The following EXOC6 variants were observed in gnomAD, a reference collection of about 807,000 sequenced individuals.
EXOC6 encodes exocyst complex component 6.
A neutral mutation model predicts 112.5 loss-of-function variants in EXOC6; 60 were observed. That is an observed-to-expected ratio of 0.53 (90% CI 0.43 to 0.66). The LOEUF (loss-of-function observed/expected upper bound fraction) is 0.66. Ranked by LOEUF, EXOC6 falls within the 30% of genes least tolerant of loss-of-function variation. The pLI is 0.00. For synonymous variants in EXOC6, 295 were observed against 308.0 expected, an observed-to-expected ratio of 0.96 and a Z score of 0.44; for missense variants, 855 against 957.1, an observed-to-expected ratio of 0.89 and a Z score of 1.41.
chr10:93,049,816 C>G (rs977189284), intron 20 of EXOC6, among the ~76,000 whole-genome samples: 2 of 152,088 alleles, frequency 1.3e-5, no homozygotes, highest in Admixed American at 1.3e-4. Context: ...TAGTCTCAAG[C>G]CTTGGCCTCT....
chr10:93,002,036 A>C (rs765355834), intron 19 of EXOC6, among the ~76,000 whole-genome samples: 2 of 152,224 alleles, frequency 1.3e-5, no homozygotes, highest in African/African-American at 2.4e-5. Flanking sequence ...TTCATATTCT[A>C]TAATTGATTA....
chr10:92,871,371 A>G (rs1848436344), intron 1 of EXOC6, among the ~76,000 whole-genome samples: 1 of 151,772 alleles, frequency 6.6e-6, no homozygotes, highest in Admixed American at 6.6e-5. Context: ...TACAACAAAC[A>G]AAAACCAGAT....
At chr10:92,844,191 A>G (rs577835656), upstream of EXOC6, among the ~76,000 whole-genome samples, 274 of 152,046 alleles carry the variant, frequency 1.8e-3, 2 homozygotes, top group South Asian at 0.01. Context: ...CATGCCATTT[A>G]CAACATTAAG....
At chr10:93,020,712 C>T (rs1844744616) in intron 20 of EXOC6, among the ~76,000 whole-genome samples, 1 of 152,056 alleles carries the variant, frequency 6.6e-6, no homozygotes, top group South Asian at 2.1e-4. Context: ...TTTTCACAGC[C>T]ACTAACTCAG....
intron 18 of EXOC6, 67 bp from the exon 19 acceptor site, chr10:92,997,407 T>TCG: frequency 7.0e-7 from 1 of 1,435,510 alleles, no homozygotes. Flanking sequence ...ATGATTTTTC[T>TCG]GATTCTTTAT....
chr10:93,018,899 A>G (rs926496279), intron 20 of EXOC6, among the ~76,000 whole-genome samples: 2 of 151,922 alleles, frequency 1.3e-5, no homozygotes, highest in African/African-American at 2.4e-5. Flanking sequence ...ATGCTCTTAC[A>G]TACAGGTGTC....
At position 92,889,715 on chromosome 10, in the gene EXOC6, G is replaced by T. The variant is rs535039534; in HGVS notation, c.102-3634G>T. ...GTAACTTTATAGTAAATCTTGGGTC[G>T]TGTTGTCAGTATTCCAATTCTGTTC... On this transcript the variant is annotated intron_variant, in intron 1 of 21. Coordinates refer to ENST00000260762, the MANE Select transcript of EXOC6 (RefSeq NM_019053.6). Among the ~76,000 whole-genome samples, 4 of 151,654 alleles carry T rather than the reference G, an allele frequency of 2.6e-5. No homozygotes were observed. In the East Asian group the frequency reaches 7.8e-4, roughly 29 times the overall value.
chr10:92,930,211 T>C (rs960944002), intron 9 of EXOC6, among the ~76,000 whole-genome samples: 7 of 151,988 alleles, frequency 4.6e-5, no homozygotes, highest in African/African-American at 7.2e-5. Flanking sequence ...TCAACAAATA[T>C]AAAAAGCTGG....
intron 1 of EXOC6, among the ~76,000 whole-genome samples, chr10:92,892,672 T>G (rs1293610951): frequency 6.6e-6 from 1 of 152,192 alleles, no homozygotes; most frequent in Non-Finnish European, 1.5e-5. Context: ...AGGGTAGTCC[T>G]TTACTGCATG....
chr10:92,988,855 T>C (rs1843117637), intron 18 of EXOC6, among the ~76,000 whole-genome samples: 1 of 148,578 alleles, frequency 6.7e-6, no homozygotes, highest in African/African-American at 2.6e-5. Flanking sequence ...TTCTGACCAT[T>C]ACTAAACATG....
intron 18 of EXOC6, among the ~76,000 whole-genome samples, chr10:92,980,901 C>T (rs1057273221): frequency 1.3e-5 from 2 of 152,088 alleles, no homozygotes; most frequent in Admixed American, 6.5e-5. Context: ...GTGGCGGGCA[C>T]CTGTAATTCC....
chr10:92,844,160 A>AT (rs1333596262), upstream of EXOC6, among the ~76,000 whole-genome samples: 541 of 151,274 alleles, frequency 3.6e-3, 5 homozygotes, highest in African/African-American at 0.012. Flanking sequence ...AGAAAAAAAA[A>AT]AAAAGGAAAA....
At chr10:92,962,957 C>G (rs1854098161) in intron 17 of EXOC6, among the ~76,000 whole-genome samples, 1 of 152,110 alleles carries the variant, frequency 6.6e-6, no homozygotes, top group South Asian at 2.1e-4. Flanking sequence ...CATACTTATT[C>G]TTGTTACCTG....
chr10:92,873,380 G>A (rs1848539940), intron 1 of EXOC6, among the ~76,000 whole-genome samples: 1 of 152,126 alleles, frequency 6.6e-6, no homozygotes, highest in African/African-American at 2.4e-5. Flanking sequence ...ACTAACACAC[G>A]ACACTAGACT....
intron 20 of EXOC6, among the ~76,000 whole-genome samples, chr10:93,030,711 G>A (rs1189662822): frequency 6.6e-6 from 1 of 152,134 alleles, no homozygotes; most frequent in Non-Finnish European, 1.5e-5. Context: ...TAAAGAATAT[G>A]TTTTTACTTT....
upstream of EXOC6, among the ~76,000 whole-genome samples, chr10:92,846,309 G>GT (rs1847051557): frequency 6.6e-6 from 1 of 152,218 alleles, no homozygotes; most frequent in East Asian, 1.9e-4. Context: ...GATCAGGAAA[G>GT]TAATTCCCCA....
intron 1 of EXOC6, among the ~76,000 whole-genome samples, chr10:92,881,794 A>T (rs1012298358): frequency 3.9e-5 from 6 of 152,108 alleles, no homozygotes; most frequent in African/African-American, 1.2e-4. Flanking sequence ...GGTTTCTCCC[A>T]TCCTGTTCTC....
At chr10:92,834,626 G>A (rs1295865453), upstream of EXOC6, 1 of 843,732 alleles carries the variant, frequency 1.2e-6, no homozygotes, top group African/African-American at 1.7e-5. Flanking sequence ...TGGGTGAACA[G>A]AGAATCCTTC....
At chr10:92,881,464 A>G (rs1425457717) in intron 1 of EXOC6, among the ~76,000 whole-genome samples, 2 of 152,210 alleles carry the variant, frequency 1.3e-5, no homozygotes, top group Non-Finnish European at 2.9e-5. Context: ...GGTTCAGTGT[A>G]GATAAATTTT....
Sources: allele counts gnomAD v4.1 joint callset (sites outside exome capture counted in the v4.1 genomes callset), GRCh38; gene constraint gnomAD v4.1.1; transcripts MANE v1.5; gene names NCBI Gene and HGNC (gene_info 2026-07-23, HGNC 2026-07-21).